Variants in GRM7 observed in about 807,000 individuals in gnomAD.
The protein encoded by GRM7 is glutamate metabotropic receptor 7.
In GRM7, 35 loss-of-function variants were observed where a neutral mutation model predicts 84.5. The ratio of observed to expected loss-of-function variants is 0.41; its 90% confidence interval spans 0.32 to 0.55. The LOEUF (loss-of-function observed/expected upper bound fraction) is 0.55. Ranked by LOEUF, GRM7 falls within the 20% of genes least tolerant of loss-of-function variation. The pLI is 0.19. For synonymous variants in GRM7, 487 were observed against 455.1 expected (o/e 1.07, Z -0.89); for missense variants, 1,003 against 1,194.6 (o/e 0.84, Z 2.36).
At chr3:7,565,831 A>C (rs777055332) in intron 7 of GRM7, among the ~76,000 whole-genome samples, 91 of 152,322 alleles carry the variant, frequency 6.0e-4, no homozygotes, top group Middle Eastern at 3.4e-3. Flanking sequence ...AGAAAGGATG[A>C]TTCAACTCTC....
intron 5 of GRM7, among the ~76,000 whole-genome samples, chr3:7,449,711 G>A (rs933465724): frequency 5.3e-5 from 8 of 152,102 alleles, no homozygotes; most frequent in Admixed American, 2.0e-4. Flanking sequence ...CCTCAAATCA[G>A]CAAGAGAAGG....
chr3:6,973,285 C>T (rs1359222310), intron 1 of GRM7, among the ~76,000 whole-genome samples: 1 of 151,902 alleles, frequency 6.6e-6, no homozygotes, highest in Non-Finnish European at 1.5e-5. Context: ...TTCTTTCTTT[C>T]ATTGAGCAAC....
chr3:7,099,538 T>C (rs1339156594), intron 1 of GRM7, among the ~76,000 whole-genome samples: 4 of 148,168 alleles, frequency 2.7e-5, no homozygotes, highest in Non-Finnish European at 6.0e-5. Context: ...GCATTATACA[T>C]GTACACATAT....
Position 7,089,128 on chromosome 3 carries a change from C to A in GRM7, c.520-57324C>A, listed in dbSNP as rs145532106. On this transcript the variant is annotated intron_variant, in intron 1 of 9. Coordinates refer to ENST00000357716, the MANE Select transcript of GRM7 (RefSeq NM_000844.4). Reference sequence around the variant, plus strand: ...TAAAAGTATCTCTTTTGGAAAATTCCAACTTTATTGGGTAGAGTTTATTTT... The same window carrying A: ...TAAAAGTATCTCTTTTGGAAAATTCAAACTTTATTGGGTAGAGTTTATTTT... 4.8e-3 allele frequency among the ~76,000 whole-genome samples: 729 copies of A among 152,154 alleles called. 6 individuals are homozygous for A. Among genetic ancestry groups the A allele is most frequent in the African/African-American group, 0.017 (692 of 41,522 alleles).
intron 1 of GRM7, among the ~76,000 whole-genome samples, chr3:7,033,979 C>A (rs1472345798): frequency 6.6e-6 from 1 of 152,082 alleles, no homozygotes. Context: ...GTGCAATTGC[C>A]TGCAGTTATG....
At chr3:7,624,232 G>A (rs1697500407) in intron 8 of GRM7, among the ~76,000 whole-genome samples, 1 of 152,084 alleles carries the variant, frequency 6.6e-6, no homozygotes, top group Non-Finnish European at 1.5e-5. Context: ...AAACCAGGCT[G>A]GAGGATCAGA....
intron 1 of GRM7, among the ~76,000 whole-genome samples, chr3:7,106,025 C>T (rs1376303767): frequency 6.6e-6 from 1 of 151,852 alleles, no homozygotes. Flanking sequence ...ATTAACTTCT[C>T]AAAAACTGTT....
intron 5 of GRM7, among the ~76,000 whole-genome samples, chr3:7,436,889 T>G (rs1697078177): frequency 6.6e-6 from 1 of 151,966 alleles, no homozygotes; most frequent in African/African-American, 2.4e-5. Context: ...TCTGTTGACT[T>G]TGGAATCTAT....
chr3:7,618,768 T>A (rs1248322948), intron 8 of GRM7, among the ~76,000 whole-genome samples: 1 of 152,098 alleles, frequency 6.6e-6, no homozygotes, highest in Non-Finnish European at 1.5e-5. Context: ...AGAACACACC[T>A]TGAAGGGTGA....
chr3:6,938,698 G>A (rs1189965029), intron 1 of GRM7, among the ~76,000 whole-genome samples: 1 of 152,132 alleles, frequency 6.6e-6, no homozygotes, highest in Non-Finnish European at 1.5e-5. Context: ...TTGGAATTTT[G>A]CTTTTTAAAG....
At chr3:6,904,507 A>ATCGT (rs550161924) in intron 1 of GRM7, among the ~76,000 whole-genome samples, 329 of 152,296 alleles carry the variant, frequency 2.2e-3, no homozygotes, top group African/African-American at 7.6e-3. Context: ...TATAAGTTGT[A>ATCGT]TCGTTAGGTT....
At chr3:7,613,254 A>C (rs1388197767) in intron 8 of GRM7, among the ~76,000 whole-genome samples, 1 of 152,170 alleles carries the variant, frequency 6.6e-6, no homozygotes, top group Non-Finnish European at 1.5e-5. Context: ...TGTTTGGTTT[A>C]TTTTATCAAT....
chr3:7,270,682 T>C (rs1698821723), intron 2 of GRM7, among the ~76,000 whole-genome samples: 1 of 151,418 alleles, frequency 6.6e-6, no homozygotes, highest in South Asian at 2.1e-4. Flanking sequence ...CAGTTACGGA[T>C]GCTCGCCACT....
chr3:7,609,454 G>C (rs541832070), intron 8 of GRM7, among the ~76,000 whole-genome samples: 97 of 152,206 alleles, frequency 6.4e-4, no homozygotes, highest in Non-Finnish European at 1.2e-3. Flanking sequence ...CGATATTCTT[G>C]AACAGGGCAG....
chr3:7,499,672 A>G (rs185242470), intron 7 of GRM7, among the ~76,000 whole-genome samples: 5 of 152,320 alleles, frequency 3.3e-5, no homozygotes, highest in Admixed American at 6.5e-5. Flanking sequence ...GTTGGCAATT[A>G]AAGTTCAACT....
At chr3:7,492,018 A>AT (rs143258675) in intron 7 of GRM7, among the ~76,000 whole-genome samples, 13,028 of 152,152 alleles carry the variant, frequency 0.086, 749 homozygotes, top group South Asian at 0.12. Context: ...GCATTGATTT[A>AT]TTTTTTAATG....
chr3:7,289,140 G>A (rs1397941335), intron 2 of GRM7, among the ~76,000 whole-genome samples: 1 of 152,152 alleles, frequency 6.6e-6, no homozygotes, highest in Non-Finnish European at 1.5e-5. Flanking sequence ...GGAGACCAGT[G>A]ACAATTGATT....
At chr3:6,901,525 T>C (rs1380775872) in intron 1 of GRM7, among the ~76,000 whole-genome samples, 1 of 139,156 alleles carries the variant, frequency 7.2e-6, no homozygotes, top group Non-Finnish European at 1.5e-5. Flanking sequence ...TGGAACCCGA[T>C]AGGTGGAGGT....
At chr3:7,719,849 G>GGTTA (rs972231666) in intron 9 of GRM7, among the ~76,000 whole-genome samples, 61 of 148,942 alleles carry the variant, frequency 4.1e-4, no homozygotes, top group Non-Finnish European at 3.6e-4. Context: ...TACAAAAGGA[G>GGTTA]TTCAGCCTAT....
Sources: gnomAD v4.1 joint callset for allele counts (sites outside exome capture counted in the v4.1 genomes callset) on GRCh38, gnomAD v4.1.1 for gene constraint, MANE v1.5 for transcripts, NCBI Gene and HGNC (gene_info 2026-07-23, HGNC 2026-07-21) for gene names.